Variants in PSMA3 observed in about 807,000 individuals in gnomAD.
PSMA3 encodes proteasome subunit alpha type-3.
Under a neutral mutation model 40.0 loss-of-function variants are expected in PSMA3, and 8 were observed. The observed-to-expected ratio is 0.20, with a 90% CI of 0.12 to 0.36. PSMA3 has a LOEUF of 0.36. Ranked by LOEUF, PSMA3 falls within the 10% of genes least tolerant of loss-of-function variation. The pLI is 1.00. For synonymous variants in PSMA3, 110 were observed against 100.0 expected (o/e 1.10, Z -0.59); for missense variants, 219 against 310.6 (o/e 0.70, Z 2.22).
chr14:58,250,888 G>T (rs549053488), intron 2 of PSMA3, among the ~76,000 whole-genome samples: 2 of 152,232 alleles, frequency 1.3e-5, no homozygotes, highest in Non-Finnish European at 2.9e-5. Flanking sequence ...TATAATTATT[G>T]TAAAGAAGTG....
chr14:58,247,436 A>G (rs1889905671), intron 1 of PSMA3, among the ~76,000 whole-genome samples: 1 of 152,200 alleles, frequency 6.6e-6, no homozygotes, highest in Admixed American at 6.5e-5. Flanking sequence ...TACAAATTTA[A>G]ATGTTCGAAC....
chr14:58,246,696 C>T (rs1889889048), intron 1 of PSMA3, among the ~76,000 whole-genome samples: 1 of 152,184 alleles, frequency 6.6e-6, no homozygotes, highest in Non-Finnish European at 1.5e-5. Context: ...CACGCCTGGC[C>T]TAGCAAGTTT....
At chr14:58,245,084 C>T (rs1264335718) in intron 1 of PSMA3, 143 bp downstream of exon 1, 6 of 1,066,778 alleles carry the variant, frequency 5.6e-6, no homozygotes, top group South Asian at 5.1e-5. Context: ...TGTTTGGAGA[C>T]CGGTCGTCTT....
intron 5 of PSMA3, among the ~76,000 whole-genome samples, chr14:58,260,575 T>A (rs1480418131): frequency 6.6e-6 from 1 of 152,208 alleles, no homozygotes; most frequent in Non-Finnish European, 1.5e-5. Context: ...GTGGAAAGAA[T>A]TTCACATGGA....
chr14:58,259,132 A>G (rs1890213487), intron 5 of PSMA3, among the ~76,000 whole-genome samples: 1 of 152,072 alleles, frequency 6.6e-6, no homozygotes, highest in Non-Finnish European at 1.5e-5. Flanking sequence ...GGGTCTCACC[A>G]TGCTGCCCAG....
rs1890028975 is a variant in PSMA3, at chr14:58,252,250, C to T, written c.228+8C>T. On this transcript the variant is annotated splice_region_variant and intron_variant, in intron 3 of 10. Coordinates refer to ENST00000216455, the MANE Select transcript of PSMA3 (RefSeq NM_002788.4). ...GATCGGCATGTTGGAATGGTAAGGT[C>T]ATGTTTAAAATGTTCCTTTTTGTCT... is the stretch of plus-strand genomic sequence containing the variant. 6.2e-7 allele frequency: 1 copy of T among 1,603,618 alleles called. No individual in the cohort carries two copies. Among genetic ancestry groups the T allele is most frequent in the Non-Finnish European group, 8.5e-7 (1 of 1,177,318 alleles).
At chr14:58,263,831 C>A (rs376784854) in intron 7 of PSMA3, 61 bp downstream of exon 7, 6 of 1,462,296 alleles carry the variant, frequency 4.1e-6, no homozygotes, top group Non-Finnish European at 2.9e-6. Context: ...AATTTTATCA[C>A]CACAGACATT....
chr14:58,253,645 G>T (rs749502513), intron 3 of PSMA3, among the ~76,000 whole-genome samples: 1 of 152,136 alleles, frequency 6.6e-6, no homozygotes, highest in Non-Finnish European at 1.5e-5. Flanking sequence ...CCAGGAAGGA[G>T]TGCAATGGCG....
chr14:58,249,994 G>A (rs1207778306), intron 2 of PSMA3, among the ~76,000 whole-genome samples: 1 of 152,040 alleles, frequency 6.6e-6, no homozygotes, highest in African/African-American at 2.4e-5. Flanking sequence ...TGAGGCAGGT[G>A]TATTGCTTGA....
chr14:58,249,005 GC>G (rs1426828065), intron 2 of PSMA3, among the ~76,000 whole-genome samples: 1 of 152,096 alleles, frequency 6.6e-6, no homozygotes, highest in Non-Finnish European at 1.5e-5. Flanking sequence ...CACTCTTGTT[GC>G]CCAGGCTGGA....
intron 1 of PSMA3, among the ~76,000 whole-genome samples, chr14:58,246,756 T>C (rs185479468): frequency 1.4e-3 from 211 of 152,330 alleles, no homozygotes; most frequent in African/African-American, 4.5e-3. Flanking sequence ...TATTCCCTTC[T>C]ACCTCTTCTC....
chr14:58,249,964 A>G (rs1009053252), intron 2 of PSMA3, among the ~76,000 whole-genome samples: 2 of 152,144 alleles, frequency 1.3e-5, no homozygotes, highest in African/African-American at 4.8e-5. Flanking sequence ...CACGCCTGTA[A>G]TCCTAGCACT....
Position 58,260,990 on chromosome 14 carries a change from C to G in PSMA3, c.447C>G (p.Leu149=). 1 of 1,612,370 alleles carries G rather than the reference C, an allele frequency of 6.2e-7. No homozygotes were observed. The highest frequency in any genetic ancestry group is 8.5e-7 in the Non-Finnish European group (1 of 1,178,766). Residue 149 remains leucine (L), a synonymous_variant, in exon 6 of 11, where the codon CTC becomes CTG. Transcript: ENST00000216455. ...ACAGTGTGAATGACGGTGCGCAACT[C>G]TACATGATTGACCCATCAGGTGTTT... ...GSYSVNDGAQ[L]YMIDPSGVSY...
At chr14:58,244,974 A>C in intron 1 of PSMA3, 33 bp downstream of exon 1, 1 of 1,613,970 alleles carries the variant, frequency 6.2e-7, no homozygotes, top group Non-Finnish European at 8.5e-7. Flanking sequence ...TAATAGTTTA[A>C]CCTAAGGATT....
In PSMA3 at chr14:58,244,887, T is replaced by A; in HGVS notation, c.-34T>A. The A allele has an allele frequency of 6.2e-7, 1 of 1,614,170 alleles. No homozygotes were observed. Among genetic ancestry groups the A allele is most frequent in the Non-Finnish European group, 8.5e-7 (1 of 1,180,004 alleles). On this transcript the variant is annotated 5_prime_UTR_variant, in exon 1 of 11. Coordinates refer to ENST00000216455, the MANE Select transcript of PSMA3 (RefSeq NM_002788.4). ...TGGTATAGGGGAAGCGCTCCGGGCC[T>A]GGAATCCCTACGCGTCCCTTTGGGT...
rs776185973 is a variant in PSMA3, at chr14:58,263,688, TA to T, written c.478-16del. 3.1e-6 allele frequency: 5 copies of T among 1,597,670 alleles called. No individual in the cohort carries two copies. In the African/African-American group the frequency reaches 4.0e-5, roughly 13 times the overall value. On this transcript the variant is annotated splice_polypyrimidine_tract_variant and intron_variant, in intron 6 of 10. Coordinates refer to ENST00000216455, the MANE Select transcript of PSMA3 (RefSeq NM_002788.4). ...AGTGTACTAATTCAGTGATTATATA[TA>T]TTTTTTTCTAAATAGGGTTATTGGG...
intron 2 of PSMA3, among the ~76,000 whole-genome samples, chr14:58,249,764 C>T: frequency 6.6e-6 from 1 of 152,148 alleles, no homozygotes; most frequent in East Asian, 1.9e-4. Flanking sequence ...CTTAGGCTTC[C>T]CAAAGTGCTG....
At chr14:58,269,205 T>A (rs1890537735) in intron 8 of PSMA3, among the ~76,000 whole-genome samples, 1 of 152,114 alleles carries the variant, frequency 6.6e-6, no homozygotes, top group South Asian at 2.1e-4. Context: ...GTGCTGGGAT[T>A]ACAGATGTGA....
chr14:58,247,705 T>C (rs763053487), intron 1 of PSMA3, 45 bp from the exon 2 acceptor site: 18 of 1,319,646 alleles, frequency 1.4e-5, no homozygotes, highest in Non-Finnish European at 1.8e-5. Flanking sequence ...TGTATGGTCA[T>C]TACTGCCAAA....
Sources: allele counts gnomAD v4.1 joint callset (sites outside exome capture counted in the v4.1 genomes callset), GRCh38; gene constraint gnomAD v4.1.1; transcripts MANE v1.5; gene names NCBI Gene and HGNC (gene_info 2026-07-23, HGNC 2026-07-21).